The following MDGA2 variants were observed in gnomAD, a reference collection of about 807,000 sequenced individuals.
The protein encoded by MDGA2 is MAM domain containing glycosylphosphatidylinositol anchor 2, also known as MAM domain-containing glycosylphosphatidylinositol anchor protein 2.
MDGA2 carries 40 observed loss-of-function variants against 117.8 expected under a neutral mutation model. The ratio of observed to expected loss-of-function variants is 0.34; its 90% CI spans 0.26 to 0.44. The LOEUF (loss-of-function observed/expected upper bound fraction) is 0.44, where lower values mean the gene tolerates loss of function less well. Ranked by LOEUF, MDGA2 falls within the 20% of genes least tolerant of loss-of-function variation. The pLI, the probability that MDGA2 is intolerant of heterozygous loss-of-function variation, is 1.00. For synonymous variants in MDGA2, 452 were observed against 439.0 expected, an observed-to-expected ratio of 1.03 and a Z score of -0.37; for missense variants, 1,123 against 1,250.6, an observed-to-expected ratio of 0.90 and a Z score of 1.54.
chr14:46,939,046 A>G (rs571081851), intron 9 of MDGA2, among the ~76,000 whole-genome samples: 264 of 152,308 alleles, frequency 1.7e-3, no homozygotes, highest in Middle Eastern at 6.8e-3. Context: ...TCATGCATTT[A>G]TGGAAGCTAA....
At chr14:47,137,978 T>G (rs1882538471) in intron 4 of MDGA2, among the ~76,000 whole-genome samples, 1 of 152,148 alleles carries the variant, frequency 6.6e-6, no homozygotes, top group Admixed American at 6.6e-5. Context: ...ACAGATGAAG[T>G]CTGTTAATGG....
chr14:47,140,503 T>C (rs1321032571), intron 4 of MDGA2, among the ~76,000 whole-genome samples: 1 of 152,034 alleles, frequency 6.6e-6, no homozygotes, highest in East Asian at 1.9e-4. Flanking sequence ...TGGAATGGAA[T>C]AGACAGCACA....
chr14:46,990,529 G>A (rs1283180265), intron 8 of MDGA2, among the ~76,000 whole-genome samples: 9 of 151,892 alleles, frequency 5.9e-5, no homozygotes, highest in Non-Finnish European at 1.2e-4. Flanking sequence ...AAAGAAACAT[G>A]TTAACATTTG....
intron 8 of MDGA2, among the ~76,000 whole-genome samples, chr14:46,997,792 GTTGTA>G (rs1468550295): frequency 1.3e-5 from 2 of 152,142 alleles, no homozygotes; most frequent in East Asian, 3.9e-4. Flanking sequence ...TAATAAAACT[GTTGTA>G]TTGTAAAAAA....
intron 1 of MDGA2, among the ~76,000 whole-genome samples, chr14:47,609,456 T>TATATATAGATATATAG (rs1555336059): frequency 1.8e-5 from 2 of 110,152 alleles, no homozygotes; most frequent in Non-Finnish European, 3.8e-5. Flanking sequence ...TATATATATA[T>TATATATAGATATATAG]ATATATATAA....
At position 46,954,212 on chromosome 14, in the gene MDGA2, A is replaced by G. The variant is rs374488497; in HGVS notation, c.2089+3162T>C. ...GTGGCAAAAGCAACCCCTTCTCACA[A>G]CTTTGCTGAGTTGTAAGACACGTGC... On this transcript the variant is annotated intron_variant, in intron 9 of 16. Coordinates refer to ENST00000399232, the MANE Select transcript of MDGA2 (RefSeq NM_001113498.3). 1.4e-4 allele frequency among the ~76,000 whole-genome samples: 22 copies of G among 151,886 alleles called. No individual in the cohort carries two copies. The South Asian group carries it at 4.6e-3, about 32-fold the overall frequency.
At chr14:47,084,535 GTAAAAA>G (rs1890826770) in intron 6 of MDGA2, among the ~76,000 whole-genome samples, 1 of 150,216 alleles carries the variant, frequency 6.7e-6, no homozygotes, top group African/African-American at 2.4e-5. Context: ...GAGTAATAAA[GTAAAAA>G]TAAAAGTAAT....
At chr14:46,997,917 A>G (rs1446996309) in intron 8 of MDGA2, among the ~76,000 whole-genome samples, 1 of 152,200 alleles carries the variant, frequency 6.6e-6, no homozygotes, top group African/African-American at 2.4e-5. Context: ...ACTGATTTCA[A>G]AATCATCAAC....
At chr14:47,554,547 A>AT (rs1467537700) in intron 1 of MDGA2, among the ~76,000 whole-genome samples, 11 of 152,172 alleles carry the variant, frequency 7.2e-5, no homozygotes, top group Admixed American at 5.2e-4. Context: ...TTACTAGTAC[A>AT]TTTTTTAATA....
chr14:47,651,211 G>A (rs894257940), intron 1 of MDGA2, among the ~76,000 whole-genome samples: 7 of 90,054 alleles, frequency 7.8e-5, no homozygotes, highest in Non-Finnish European at 1.5e-4. Flanking sequence ...GTGTGTGCAT[G>A]TGGTGTGTGT....
chr14:47,037,621 C>T (rs1888903269), intron 7 of MDGA2, among the ~76,000 whole-genome samples: 1 of 152,048 alleles, frequency 6.6e-6, no homozygotes, highest in Non-Finnish European at 1.5e-5. Context: ...TTTCTTTTAT[C>T]CTCTTATTGA....
chr14:46,897,516 G>C (rs1160320053), intron 10 of MDGA2, among the ~76,000 whole-genome samples: 2 of 151,990 alleles, frequency 1.3e-5, no homozygotes, highest in Non-Finnish European at 1.5e-5. Flanking sequence ...CATCTGTTGA[G>C]AGCCTATTAC....
chr14:47,602,065 T>C (rs1385837214), intron 1 of MDGA2, among the ~76,000 whole-genome samples: 1 of 152,166 alleles, frequency 6.6e-6, no homozygotes, highest in Non-Finnish European at 1.5e-5. Flanking sequence ...CTACGCTACA[T>C]TATTAACCTA....
intron 1 of MDGA2, among the ~76,000 whole-genome samples, chr14:47,543,815 A>C (rs1382798395): frequency 1.3e-5 from 2 of 152,244 alleles, no homozygotes; most frequent in Non-Finnish European, 2.9e-5. Flanking sequence ...TGAAAACTAC[A>C]GAGCATTAGT....
intron 1 of MDGA2, among the ~76,000 whole-genome samples, chr14:47,441,669 A>G (rs1043660473): frequency 2.6e-5 from 4 of 152,196 alleles, no homozygotes; most frequent in Non-Finnish European, 5.9e-5. Flanking sequence ...CAGATTTGTC[A>G]TGGGTACAAA....
intron 1 of MDGA2, among the ~76,000 whole-genome samples, chr14:47,482,237 T>A (rs11624882): frequency 6.6e-6 from 1 of 151,864 alleles, no homozygotes; most frequent in South Asian, 2.1e-4. Context: ...CCCAGGATGA[T>A]AGAAATTTAG....
At position 46,951,650 on chromosome 14, in the gene MDGA2, C is replaced by T. The variant is rs182607107; in HGVS notation, c.2089+5724G>A. On this transcript the variant is annotated intron_variant, in intron 9 of 16. Coordinates refer to ENST00000399232, the MANE Select transcript of MDGA2 (RefSeq NM_001113498.3). ...AGCAAATAACCAGCAAATACCAGGGCCTCTATCATACAACACAAAGAAATT... is the reference window on the plus strand; with the variant it reads ...AGCAAATAACCAGCAAATACCAGGGTCTCTATCATACAACACAAAGAAATT... 3.9e-3 allele frequency among the ~76,000 whole-genome samples: 588 copies of T among 151,946 alleles called. 8 individuals carry two copies. Among genetic ancestry groups the T allele is most frequent in the African/African-American group, 0.014 (576 of 41,478 alleles).
intron 1 of MDGA2, among the ~76,000 whole-genome samples, chr14:47,340,686 G>C (rs1368316619): frequency 6.6e-6 from 1 of 152,178 alleles, no homozygotes. Flanking sequence ...CATCAGCAAA[G>C]AGTTTGCTGC....
chr14:47,259,128 T>G (rs1221320956), intron 2 of MDGA2, among the ~76,000 whole-genome samples: 1 of 152,080 alleles, frequency 6.6e-6, no homozygotes, highest in African/African-American at 2.4e-5. Flanking sequence ...GTTTTTGTTG[T>G]TGTTTTCCAA....
Sources: gnomAD v4.1 joint callset for allele counts (sites outside exome capture counted in the v4.1 genomes callset) on GRCh38, gnomAD v4.1.1 for gene constraint, MANE v1.5 for transcripts, NCBI Gene and HGNC (gene_info 2026-07-23, HGNC 2026-07-21) for gene names.